The following ATCAY variants were observed in gnomAD, a reference collection of about 807,000 sequenced individuals.
The protein encoded by ATCAY is ATCAY kinesin light chain interacting caytaxin.
A neutral mutation model predicts 47.7 loss-of-function variants in ATCAY; 22 were observed. The ratio of observed to expected loss-of-function variants is 0.46; its 90% CI spans 0.33 to 0.66. The LOEUF is 0.66. Among genes scored for constraint, ATCAY ranks in the 30% least tolerant of loss-of-function variants. The pLI, the probability that ATCAY is intolerant of heterozygous loss-of-function variation, is 0.02. For synonymous variants in ATCAY, 216 were observed against 207.6 expected (o/e 1.04, Z -0.35); for missense variants, 452 against 515.0 (o/e 0.88, Z 1.18).
At chr19:3,891,361 A>G (rs1050526357) in intron 2 of ATCAY, among the ~76,000 whole-genome samples, 1 of 151,724 alleles carries the variant, frequency 6.6e-6, no homozygotes, top group South Asian at 2.1e-4. Flanking sequence ...TCCTTCTAGC[A>G]TTTTCCTTCA....
intron 6 of ATCAY, 115 bp from the exon 7 acceptor site, chr19:3,909,371 C>T: frequency 8.0e-7 from 1 of 1,242,918 alleles, no homozygotes; most frequent in South Asian, 1.4e-5. Context: ...ACACCTGGAC[C>T]AGTGGGGCTG....
chr19:3,892,930 A>C (rs559290811), intron 2 of ATCAY, among the ~76,000 whole-genome samples: 4 of 152,028 alleles, frequency 2.6e-5, no homozygotes, highest in Admixed American at 2.0e-4. Flanking sequence ...TTTACCCTCA[A>C]TTGTACCGAT....
intron 3 of ATCAY, among the ~76,000 whole-genome samples, chr19:3,902,791 A>G (rs1483869790): frequency 2.0e-5 from 3 of 152,082 alleles, no homozygotes; most frequent in African/African-American, 4.8e-5. Context: ...CTGTGCCCCA[A>G]TGCCTCATCT....
intron 7 of ATCAY, 141 bp downstream of exon 7, chr19:3,909,758 G>C: frequency 8.1e-7 from 1 of 1,240,196 alleles, no homozygotes; most frequent in Non-Finnish European, 1.1e-6. Flanking sequence ...TTTGAGACCA[G>C]CCTGGGCAAC....
intron 2 of ATCAY, among the ~76,000 whole-genome samples, chr19:3,893,133 A>G (rs2145228255): frequency 6.6e-6 from 1 of 151,200 alleles, no homozygotes; most frequent in Admixed American, 6.6e-5. Flanking sequence ...AGCAGGACGA[A>G]GCCACGCTGT....
chr19:3,908,338 C>A lies in ATCAY; in HGVS notation c.615C>A (p.Pro205=), dbSNP rs112563476. 295 of 1,594,022 alleles carry A rather than the reference C, an allele frequency of 1.9e-4. No homozygotes were observed. The African/African-American group carries it at 3.1e-3, about 17-fold the overall frequency. The change falls in exon 6 of 13, where the codon CCC becomes CCA. Residue 205 remains proline (P), a synonymous_variant. Transcript: ENST00000450849. ...GCTTCCTTCCAGACAGCAGCCTCCC[C>A]GACTACCACTACATCATGGAGAACC... ...AACFLPDSSL[P]DYHYIMENLF...
chr19:3,917,819 C>T lies in ATCAY; in HGVS notation c.1001+42C>T, dbSNP rs376021315. On this transcript the variant is annotated intron_variant, in intron 10 of 12. Transcript: ENST00000450849. ...TTCTGCTGGGGCTGGGTCGGGGCAG[C>T]GGGGGGCTGAGCTGAACTCTCAGTT... is the stretch of plus-strand genomic sequence containing the variant. 2.6e-5 allele frequency: 41 copies of T among 1,597,224 alleles called. No individual in the cohort carries two copies. In the South Asian group the frequency reaches 2.6e-4, roughly 10 times the overall value.
intron 2 of ATCAY, among the ~76,000 whole-genome samples, chr19:3,898,742 C>T (rs8109108): frequency 0.096 from 14,639 of 152,032 alleles, 2,076 homozygotes; most frequent in African/African-American, 0.31. Context: ...AGTGTAGTGG[C>T]GTGACTTCAG....
intron 1 of ATCAY, among the ~76,000 whole-genome samples, chr19:3,882,250 C>A (rs2038608690): frequency 6.6e-6 from 1 of 151,888 alleles, no homozygotes; most frequent in Non-Finnish European, 1.5e-5. Context: ...GTCTTAACCT[C>A]CTGTGCTCAG....
At chr19:3,894,831 C>A (rs1397878079) in intron 2 of ATCAY, among the ~76,000 whole-genome samples, 3 of 151,218 alleles carry the variant, frequency 2.0e-5, no homozygotes, top group Non-Finnish European at 4.4e-5. Flanking sequence ...CACCTAGGGT[C>A]CCAGCTACTC....
intron 2 of ATCAY, among the ~76,000 whole-genome samples, chr19:3,886,611 C>G (rs1156698114): frequency 6.7e-6 from 1 of 148,938 alleles, no homozygotes; most frequent in Non-Finnish European, 1.5e-5. Context: ...AAAAAATTAG[C>G]TGGGTATGGT....
In ATCAY at chr19:3,907,635, G is replaced by C; in HGVS notation, c.359-99G>C. On this transcript the variant is annotated intron_variant, in intron 4 of 12. Transcript: ENST00000450849. This position sits in a 1 kb window ranked among gnomAD's most constrained non-coding sequence, Gnocchi z 5.1. ...GAGAAGCGAAGGACTTGTGGGTCCC[G>C]GCAGCGAGGGAGGTGGGAGAGGGGA... 7.0e-7 allele frequency: 1 copy of C among 1,435,538 alleles called. No individual in the cohort carries two copies. The highest frequency in any genetic ancestry group is 1.2e-5 in the South Asian group (1 of 81,106). The allele number at this position is 1,435,538 out of a possible 1,614,324, so 88.9% of individuals were successfully genotyped here.
In ATCAY at chr19:3,903,800, C is replaced by T. The variant is rs549209196; in HGVS notation, c.136+1255C>T. On this transcript the variant is annotated intron_variant, in intron 3 of 12. Transcript: ENST00000450849. ...TTGGCCTCCCAAAGTGTTGGGATTA[C>T]GGGCGTGAGCCACTGCACCCGGCCG... Among the ~76,000 whole-genome samples, 21 of 148,918 alleles carry T rather than the reference C, an allele frequency of 1.4e-4. No homozygotes were observed. The South Asian group carries it at 3.4e-3, about 24-fold the overall frequency.
intron 1 of ATCAY, among the ~76,000 whole-genome samples, chr19:3,882,251 C>T (rs530181852): frequency 6.6e-6 from 1 of 152,308 alleles, no homozygotes; most frequent in South Asian, 2.1e-4. Context: ...TCTTAACCTC[C>T]TGTGCTCAGG....
intron 8 of ATCAY, 134 bp downstream of exon 8, chr19:3,911,023 GTGTT>G (rs1378626653): frequency 2.1e-6 from 2 of 936,844 alleles, no homozygotes; most frequent in Non-Finnish European, 3.3e-6. Flanking sequence ...ATCCATGTGT[GTGTT>G]TGATGTGCAT....
At chr19:3,917,873 G>A (rs2038979984) in intron 10 of ATCAY, 96 bp downstream of exon 10, 1 of 1,407,864 alleles carries the variant, frequency 7.1e-7, no homozygotes, top group Non-Finnish European at 9.7e-7. Flanking sequence ...CTGGGCAGCA[G>A]GGACCATTGT....
chr19:3,923,443 G>A (rs1426925722), intron 12 of ATCAY, among the ~76,000 whole-genome samples: 2 of 152,160 alleles, frequency 1.3e-5, no homozygotes, highest in Admixed American at 6.6e-5. Context: ...TAAATGGATG[G>A]ATGGATGGAT....
chr19:3,916,369 T>C (rs1424659860), intron 9 of ATCAY, among the ~76,000 whole-genome samples: 1 of 152,254 alleles, frequency 6.6e-6, no homozygotes, highest in African/African-American at 2.4e-5. Flanking sequence ...TACTCACCTA[T>C]GACCGTAGAT....
At chr19:3,882,109 T>C (rs1049914743) in intron 1 of ATCAY, among the ~76,000 whole-genome samples, 1 of 151,996 alleles carries the variant, frequency 6.6e-6, no homozygotes, top group Admixed American at 6.6e-5. Context: ...GCAAACCCGA[T>C]ATCTATGCTG....
Sources: gnomAD v4.1 joint callset for allele counts (sites outside exome capture counted in the v4.1 genomes callset) on GRCh38, gnomAD v4.1.1 for gene constraint, Gnocchi (gnomAD v3.1) non-coding constraint, MANE v1.5 for transcripts, NCBI Gene and HGNC (gene_info 2026-07-23, HGNC 2026-07-21) for gene names.